CRADD: variants seen among roughly 807,000 people sequenced by gnomAD.
CRADD encodes CARD and death domain containing adaptor protein.
A neutral mutation model predicts 15.5 loss-of-function variants in CRADD; 9 were observed. That is an observed-to-expected ratio of 0.58 (90% CI 0.35 to 1.01). CRADD has a LOEUF of 1.01. CRADD is among the 50% of genes least tolerant of loss of function. The pLI is 0.02. For synonymous variants in CRADD, 118 were observed against 107.6 expected (o/e 1.10, Z -0.60); for missense variants, 227 against 250.3 (o/e 0.91, Z 0.63).
chr12:93,802,927 A>G (rs1957491327), intron 2 of CRADD, among the ~76,000 whole-genome samples: 2 of 152,306 alleles, frequency 1.3e-5, no homozygotes, highest in South Asian at 4.1e-4. Flanking sequence ...CTTGAGAGCA[A>G]GGAAGGGAGA....
chr12:93,718,980 G>C (rs1956212613), intron 2 of CRADD, among the ~76,000 whole-genome samples: 1 of 152,048 alleles, frequency 6.6e-6, no homozygotes, highest in Admixed American at 6.6e-5. Flanking sequence ...GGCTGGTCTT[G>C]AACTCCTAGG....
At chr12:93,837,372 A>G (rs1353424660) in intron 2 of CRADD, 2 of 151,968 alleles carry the variant, frequency 1.3e-5, no homozygotes, top group East Asian at 3.9e-4. Flanking sequence ...AGATCAAGCA[A>G]TTCTCCTGCC....
intron 2 of CRADD, among the ~76,000 whole-genome samples, chr12:93,808,584 A>G (rs1295849535): frequency 6.6e-6 from 1 of 152,006 alleles, no homozygotes; most frequent in Admixed American, 6.6e-5. Flanking sequence ...GTGCCCACCC[A>G]GTTTCTCAAG....
rs545770095 is a variant in CRADD, at chr12:93,771,356, A to C, written c.299-78614A>C. Among the ~76,000 whole-genome samples, 4 of 152,276 alleles carry C rather than the reference A, an allele frequency of 2.6e-5. No homozygotes were observed. The South Asian group carries it at 8.3e-4, about 32-fold the overall frequency. On this transcript the variant is annotated intron_variant, in intron 2 of 2. Coordinates refer to ENST00000332896, the MANE Select transcript of CRADD (RefSeq NM_003805.5). ...AATAACTCACTGTATTTTCCATTTG[A>C]ATTTTTTAATTACTATTGACAGTGA...
At chr12:93,872,928 T>C (rs1422027485) in intron 2 of CRADD, among the ~76,000 whole-genome samples, 1 of 152,184 alleles carries the variant, frequency 6.6e-6, no homozygotes, top group East Asian at 1.9e-4. Context: ...AGGATTTTTT[T>C]TCTATTTCTG....
intron 2 of CRADD, among the ~76,000 whole-genome samples, chr12:93,748,418 CT>C (rs1956790704): frequency 6.6e-6 from 1 of 152,240 alleles, no homozygotes; most frequent in Non-Finnish European, 1.5e-5. Flanking sequence ...CGATTCCCCC[CT>C]GCTTCAGCCT....
chr12:93,683,287 G>T (rs1405148906), intron 2 of CRADD, among the ~76,000 whole-genome samples: 1 of 152,190 alleles, frequency 6.6e-6, no homozygotes, highest in Non-Finnish European at 1.5e-5. Context: ...CCTGGCTGTG[G>T]GTCTGGGTGT....
intron 2 of CRADD, chr12:93,815,165 C>T (rs892168867): frequency 5.3e-5 from 8 of 152,138 alleles, no homozygotes; most frequent in African/African-American, 1.2e-4. Context: ...TCAAGGAATC[C>T]GACTATGTTT....
At chr12:93,680,211 T>G (rs1385821416) in intron 2 of CRADD, among the ~76,000 whole-genome samples, 1 of 152,076 alleles carries the variant, frequency 6.6e-6, no homozygotes, top group African/African-American at 2.4e-5. Context: ...AAAAAAAAAG[T>G]AATTGAAAGT....
chr12:93,732,519 T>C (rs913048440), intron 2 of CRADD, among the ~76,000 whole-genome samples: 2 of 152,236 alleles, frequency 1.3e-5, no homozygotes, highest in Non-Finnish European at 2.9e-5. Context: ...AGTAGTTATT[T>C]TGAATTATCT....
chr12:93,783,263 ATTATTATTAT>A (rs1428152510), intron 2 of CRADD, among the ~76,000 whole-genome samples: 1 of 137,758 alleles, frequency 7.3e-6, no homozygotes, highest in African/African-American at 2.9e-5. Flanking sequence ...TATTATTATT[ATTATTATTAT>A]TTTACAGATG....
intron 2 of CRADD, among the ~76,000 whole-genome samples, chr12:93,746,385 A>G (rs1232616230): frequency 6.6e-6 from 1 of 152,218 alleles, no homozygotes; most frequent in Admixed American, 6.5e-5. Context: ...TCCTCGGTCC[A>G]CATTCTAATA....
chr12:93,765,550 G>A (rs1957018114), intron 2 of CRADD, among the ~76,000 whole-genome samples: 1 of 152,146 alleles, frequency 6.6e-6, no homozygotes, highest in South Asian at 2.1e-4. Flanking sequence ...GCTGTGTGGG[G>A]AGAAGGTAAG....
At chr12:93,780,742 T>A (rs889463778) in intron 2 of CRADD, among the ~76,000 whole-genome samples, 8 of 132,504 alleles carry the variant, frequency 6.0e-5, no homozygotes, top group Non-Finnish European at 1.0e-4. Context: ...CTTGATTACC[T>A]TTTTTTTTTT....
chr12:93,706,696 T>C (rs1031955976), intron 2 of CRADD, among the ~76,000 whole-genome samples: 1 of 152,212 alleles, frequency 6.6e-6, no homozygotes, highest in African/African-American at 2.4e-5. Flanking sequence ...AAATTGTTTG[T>C]ACAAATAAAG....
intron 2 of CRADD, among the ~76,000 whole-genome samples, chr12:93,887,015 T>G (rs1958542463): frequency 6.6e-6 from 1 of 152,244 alleles, no homozygotes; most frequent in Non-Finnish European, 1.5e-5. Context: ...TTAGGTGGGT[T>G]GCCCACAGTT....
intron 2 of CRADD, among the ~76,000 whole-genome samples, chr12:93,790,929 AC>A (rs1279878154): frequency 6.6e-6 from 1 of 151,802 alleles, no homozygotes; most frequent in Non-Finnish European, 1.5e-5. Flanking sequence ...ACACACACAC[AC>A]ACACACACAC....
At chr12:93,698,203 G>A (rs1250620404) in intron 2 of CRADD, among the ~76,000 whole-genome samples, 4 of 152,112 alleles carry the variant, frequency 2.6e-5, no homozygotes, top group Non-Finnish European at 5.9e-5. Context: ...GGGCCAGTGT[G>A]TCTTGAATCC....
chr12:93,728,902 C>T (rs1184650409), intron 2 of CRADD, among the ~76,000 whole-genome samples: 1 of 152,134 alleles, frequency 6.6e-6, no homozygotes, highest in East Asian at 1.9e-4. Flanking sequence ...AAAATAAGAG[C>T]ATAGCTACAA....
Sources: gnomAD v4.1 joint callset for allele counts (sites outside exome capture counted in the v4.1 genomes callset) on GRCh38, gnomAD v4.1.1 for gene constraint, MANE v1.5 for transcripts, NCBI Gene and HGNC (gene_info 2026-07-23, HGNC 2026-07-21) for gene names.